Variants in FOXO3 observed in about 807,000 individuals in gnomAD.
FOXO3 encodes forkhead box O3.
Under a neutral mutation model 41.9 loss-of-function variants are expected in FOXO3, and 4 were observed. The ratio of observed to expected loss-of-function variants is 0.10; its 90% CI spans 0.05 to 0.22. The LOEUF is 0.22. FOXO3 is among the 10% of genes least tolerant of loss of function. FOXO3 has a pLI of 1.00. For synonymous variants in FOXO3, 318 were observed against 389.3 expected, an observed-to-expected ratio of 0.82 and a Z score of 2.16; for missense variants, 534 against 906.8, an observed-to-expected ratio of 0.59 and a Z score of 5.28.
intron 1 of FOXO3, among the ~76,000 whole-genome samples, chr6:108,652,436 A>T (rs1305035360): frequency 6.6e-6 from 1 of 152,192 alleles, no homozygotes; most frequent in African/African-American, 2.4e-5. Context: ...TGAACATTTA[A>T]TTGAATCACA....
At chr6:108,618,263 T>TCCTGG in intron 1 of FOXO3, 1 of 759,904 alleles carries the variant, frequency 1.3e-6, no homozygotes, top group South Asian at 1.4e-5. Flanking sequence ...CTTGACTCCT[T>TCCTGG]CCTGGGGCTT....
chr6:108,610,428 G>C (rs1403708555), intron 1 of FOXO3, among the ~76,000 whole-genome samples: 1 of 152,178 alleles, frequency 6.6e-6, no homozygotes, highest in South Asian at 2.1e-4. Flanking sequence ...AAGTACAAGT[G>C]AAAGTCATGG....
rs1267573385 is a variant in FOXO3 at position 108,560,981 on chromosome 6, C to T, written c.-228C>T. On this transcript the variant is annotated 5_prime_UTR_variant, in exon 1 of 3. Coordinates refer to ENST00000406360, the MANE Select transcript of FOXO3 (RefSeq NM_001455.4). ...GGTCCTCCTGTTCCTGGGAGGCGGG[C>T]GCGGCAGGACTGGGAGGTGGCGGCA... is the stretch of plus-strand genomic sequence containing the variant. 6.7e-6 allele frequency: 9 copies of T among 1,339,954 alleles called. No individual in the cohort carries two copies. The highest frequency in any genetic ancestry group is 2.0e-5 in the South Asian group (1 of 50,194). 83.0% of individuals were successfully genotyped at this position (1,339,954 alleles called of 1,614,324 possible). A position where few individuals can be genotyped will look rare whatever the true frequency, so the allele number is the denominator to read the frequency against.
At chr6:108,642,858 T>C (rs943419938) in intron 1 of FOXO3, among the ~76,000 whole-genome samples, 8 of 152,220 alleles carry the variant, frequency 5.3e-5, no homozygotes, top group Admixed American at 6.5e-5. Flanking sequence ...GTCTGATCCC[T>C]GTCCAGTTAG....
Position 108,621,617 on chromosome 6 carries a change from C to G in FOXO3, c.622-41838C>G, listed in dbSNP as rs145874941. On this transcript the variant is annotated intron_variant, in intron 1 of 2. Coordinates refer to ENST00000406360, the MANE Select transcript of FOXO3 (RefSeq NM_001455.4). ...CAGGCTGGTGTGCAGTGCTAAATAT[C>G]CTGCAGTGCATAGGAGAGGCCCACA... Among the ~76,000 whole-genome samples the G allele has an allele frequency of 5.4e-3, 827 of 152,058 alleles. 2 individuals carry two copies. Among genetic ancestry groups the G allele is most frequent in the Middle Eastern group, 0.014 (4 of 294 alleles).
intron 1 of FOXO3, among the ~76,000 whole-genome samples, chr6:108,646,716 A>G (rs1045997728): frequency 6.6e-6 from 1 of 152,224 alleles, no homozygotes; most frequent in African/African-American, 2.4e-5. Flanking sequence ...GGAAAAGAGA[A>G]TGTGTACTTC....
chr6:108,683,364 G>C lies in FOXO3; in HGVS notation c.*3572G>C, dbSNP rs1770939324. ...TGGGGACAGACTTTGCCTCTACCTA[G>C]TGAACCCCACTTAAAGAATAAGGAG... On this transcript the variant is annotated 3_prime_UTR_variant, in exon 3 of 3. Transcript: ENST00000406360. 1 of 152,146 alleles carries C rather than the reference G, an allele frequency of 6.6e-6. No individual in the cohort carries two copies. Among genetic ancestry groups the C allele is most frequent in the Middle Eastern group, 3.2e-3 (1 of 316 alleles). 9.4% of individuals were successfully genotyped at this position (152,146 alleles called of 1,614,324 possible). A position where few individuals can be genotyped will look rare whatever the true frequency, so the allele number is the denominator to read the frequency against.
intron 2 of FOXO3, among the ~76,000 whole-genome samples, chr6:108,665,599 T>A (rs1209504849): frequency 6.6e-6 from 1 of 152,106 alleles, no homozygotes; most frequent in African/African-American, 2.4e-5. Flanking sequence ...GAAGCAGGAA[T>A]TGCTTGAGGC....
Position 108,561,394 on chromosome 6 carries a change from C to G in FOXO3, c.186C>G (p.Asp62Glu). Residue 62 changes from aspartate to glutamate, a missense_variant, in exon 1 of 3, where the codon GAC (aspartate) becomes GAG (glutamate). Physicochemically the swap from Asp to Glu is conservative, Grantham distance 45 (BLOSUM62 2). Around this residue, in one of 8 missense-constraint regions of FOXO3, gnomAD observed 139 missense variants for 163.7 expected, o/e 0.85. Transcript: ENST00000406360. ...ACTCCATGATCCCCGAGGAGGAGGA[C>G]GATGAAGACGACGAGGACGGCGGGG... Reference protein sequence around the residue: ...AADSMIPEEEDDEDDEDGGGR... With the variant: ...AADSMIPEEEEDEDDEDGGGR... 5 of 1,548,598 alleles carry G rather than the reference C, an allele frequency of 3.2e-6. No homozygotes were observed. The highest frequency in any genetic ancestry group is 2.3e-4 in the Middle Eastern group (1 of 4,364).
At chr6:108,620,404 C>A (rs1396420138) in intron 1 of FOXO3, among the ~76,000 whole-genome samples, 5 of 152,110 alleles carry the variant, frequency 3.3e-5, no homozygotes, top group Non-Finnish European at 4.4e-5. Context: ...TAAGTGGCAT[C>A]TTTTTATTCC....
Position 108,613,318 on chromosome 6 carries a change from T to C in FOXO3, c.622-50137T>C, listed in dbSNP as rs560847369. On this transcript the variant is annotated intron_variant, in intron 1 of 2. Transcript: ENST00000406360. Reference sequence around the variant, plus strand: ...AGCACTGTAGTATCTCTTCCTTAAATGTTTGGTAGAATTCAACGGCAGTTA... The same window carrying C: ...AGCACTGTAGTATCTCTTCCTTAAACGTTTGGTAGAATTCAACGGCAGTTA... Among the ~76,000 whole-genome samples the C allele has an allele frequency of 5.9e-5, 9 of 152,216 alleles. No homozygotes were observed. The East Asian group carries it at 1.7e-3, about 29-fold the overall frequency.
intron 1 of FOXO3, among the ~76,000 whole-genome samples, chr6:108,627,394 A>G (rs1203316561): frequency 6.6e-6 from 1 of 152,090 alleles, no homozygotes; most frequent in Non-Finnish European, 1.5e-5. Context: ...GGGTATGAAA[A>G]CTGGTCCTCA....
At chr6:108,662,288 A>AT (rs1235767382) in intron 1 of FOXO3, among the ~76,000 whole-genome samples, 2 of 152,228 alleles carry the variant, frequency 1.3e-5, no homozygotes, top group African/African-American at 4.8e-5. Context: ...TCAAGGGTAC[A>AT]TATTATCAGC....
chr6:108,602,292 A>T (rs911686801), intron 1 of FOXO3, among the ~76,000 whole-genome samples: 2 of 152,068 alleles, frequency 1.3e-5, no homozygotes, highest in Non-Finnish European at 2.9e-5. Flanking sequence ...TCCTACCATC[A>T]ATGTATGAAA....
intron 1 of FOXO3, among the ~76,000 whole-genome samples, chr6:108,597,616 T>A (rs1307133277): frequency 6.6e-6 from 1 of 152,200 alleles, no homozygotes; most frequent in Non-Finnish European, 1.5e-5. Flanking sequence ...CCATTACACA[T>A]TGCGTTACCA....
At position 108,560,991 on chromosome 6, in the gene FOXO3, C is replaced by T. The variant is rs994683081; in HGVS notation, c.-218C>T. ...TTCCTGGGAGGCGGGCGCGGCAGGA[C>T]TGGGAGGTGGCGGCAGCGGGCGAGG... On this transcript the variant is annotated 5_prime_UTR_variant, in exon 1 of 3. Transcript: ENST00000406360. The T allele has an allele frequency of 2.9e-6, 4 of 1,364,376 alleles. No individual in the cohort carries two copies. The South Asian group carries it at 5.4e-5, about 18-fold the overall frequency. The allele number at this position is 1,364,376 out of a possible 1,614,324, so 84.5% of individuals were successfully genotyped here. A position where few individuals can be genotyped will look rare whatever the true frequency, so the allele number is the denominator to read the frequency against.
At chr6:108,654,265 C>T (rs1293321955) in intron 1 of FOXO3, among the ~76,000 whole-genome samples, 1 of 151,822 alleles carries the variant, frequency 6.6e-6, no homozygotes, top group African/African-American at 2.4e-5. Flanking sequence ...AGAGCACAAA[C>T]AGCTGTGGAA....
chr6:108,621,719 G>A (rs959577745), intron 1 of FOXO3, among the ~76,000 whole-genome samples: 17 of 152,096 alleles, frequency 1.1e-4, no homozygotes, highest in Admixed American at 6.5e-4. Flanking sequence ...GGCATGGTCC[G>A]TTTCAGAAGT....
intron 1 of FOXO3, among the ~76,000 whole-genome samples, chr6:108,661,776 G>A (rs949042339): frequency 6.6e-6 from 1 of 152,194 alleles, no homozygotes; most frequent in African/African-American, 2.4e-5. Context: ...GGTCATCACT[G>A]TCAACTGGGT....
Sources: gnomAD v4.1 joint callset for allele counts (sites outside exome capture counted in the v4.1 genomes callset) on GRCh38, gnomAD v4.1.1 for gene constraint, gnomAD v4.1.1 regional missense constraint, MANE v1.5 for transcripts, NCBI Gene and HGNC (gene_info 2026-07-23, HGNC 2026-07-21) for gene names.